Variants in ACACA observed in about 807,000 individuals in gnomAD.
ACACA encodes the protein acetyl-CoA carboxylase 1.
ACACA carries 103 observed loss-of-function variants against 296.1 expected under a neutral mutation model. The observed-to-expected ratio is 0.35, with a 90% CI of 0.30 to 0.41. The LOEUF is 0.41. ACACA is among the 10% of genes least tolerant of loss of function. The pLI is 1.00. For synonymous variants in ACACA, 953 were observed against 1,038.6 expected (o/e 0.92, Z 1.58); for missense variants, 1,554 against 2,989.7 (o/e 0.52, Z 11.20).
chr17:37,177,010 T>C (rs976040381), intron 41 of ACACA, among the ~76,000 whole-genome samples: 1 of 151,744 alleles, frequency 6.6e-6, no homozygotes, highest in Non-Finnish European at 1.5e-5. Flanking sequence ...ACAAAGAAAA[T>C]AGGCAACTAA....
intron 1 of ACACA, among the ~76,000 whole-genome samples, chr17:37,347,249 C>T (rs934881659): frequency 3.3e-5 from 5 of 152,186 alleles, no homozygotes; most frequent in African/African-American, 1.2e-4. Context: ...TAAAACATGA[C>T]GTGCTCCTCC....
chr17:37,358,741 T>C (rs1366799604), intron 1 of ACACA, among the ~76,000 whole-genome samples: 2 of 152,070 alleles, frequency 1.3e-5, no homozygotes, highest in African/African-American at 4.8e-5. Context: ...CCCTGAACTG[T>C]ACGCCTCCCA....
At chr17:37,215,147 T>C (rs1191891785) in intron 29 of ACACA, among the ~76,000 whole-genome samples, 2 of 152,058 alleles carry the variant, frequency 1.3e-5, no homozygotes, top group Admixed American at 6.5e-5. Flanking sequence ...AGGTAAGACT[T>C]GAGAAAAGGG....
intron 41 of ACACA, among the ~76,000 whole-genome samples, chr17:37,174,174 T>A (rs2077021092): frequency 6.7e-6 from 1 of 150,296 alleles, no homozygotes; most frequent in Non-Finnish European, 1.5e-5. Context: ...AGCTAGTCTT[T>A]AAACTTTAAT....
chr17:37,313,893 T>C (rs1201603535), intron 3 of ACACA, among the ~76,000 whole-genome samples: 2 of 147,968 alleles, frequency 1.4e-5, no homozygotes, highest in South Asian at 2.2e-4. Flanking sequence ...ATTGAAGAGA[T>C]ATCTACACTC....
In ACACA at chr17:37,128,761, C is replaced by G. The variant is rs548495773; in HGVS notation, c.5944+604G>C. Among the ~76,000 whole-genome samples, 3 of 152,308 alleles carry G rather than the reference C, an allele frequency of 2.0e-5. No individual in the cohort carries two copies. In the South Asian group the frequency reaches 6.2e-4, roughly 32 times the overall value. On this transcript the variant is annotated intron_variant, in intron 47 of 55. Transcript: ENST00000616317. ...TCTGGAGGGAGAGCTTATTCTCACT[C>G]CATGTATCTATATAATTAAAAGTTC...
chr17:37,255,560 T>C (rs2146165209), intron 14 of ACACA, among the ~76,000 whole-genome samples: 1 of 152,352 alleles, frequency 6.6e-6, no homozygotes, highest in South Asian at 2.1e-4. Context: ...GATTGGGTTA[T>C]AGGACATTCC....
At chr17:37,376,819 G>A (rs1005740878) in intron 1 of ACACA, among the ~76,000 whole-genome samples, 12 of 152,110 alleles carry the variant, frequency 7.9e-5, no homozygotes, top group African/African-American at 2.9e-4. Flanking sequence ...GCCAGGCATG[G>A]TGGCATGCAC....
chr17:37,172,900 C>T (rs184836399), intron 41 of ACACA, among the ~76,000 whole-genome samples: 6 of 152,164 alleles, frequency 3.9e-5, no homozygotes, highest in Non-Finnish European at 2.9e-5. Flanking sequence ...AGACCCGCTT[C>T]GCTTAGGTCT....
At chr17:37,385,974 C>T (rs1442022881) in intron 1 of ACACA, 2 of 1,382,814 alleles carry the variant, frequency 1.4e-6, no homozygotes, top group African/African-American at 1.4e-5. Context: ...TAAAGTTTTC[C>T]CCTAAAGTTT....
At position 37,259,282 on chromosome 17, in the gene ACACA, T is replaced by C. The variant is rs531569322; in HGVS notation, c.1500+78A>G. On this transcript the variant is annotated intron_variant, in intron 12 of 55. Coordinates refer to ENST00000616317, the MANE Select transcript of ACACA (RefSeq NM_198834.3). ...ACTCAGATAGGAGGTGCTTTTCTCT[T>C]ATCACACACTGGTTAAACCCATTTT... The C allele has an allele frequency of 9.2e-6, 14 of 1,524,702 alleles. No homozygotes were observed. In the East Asian group the frequency reaches 2.2e-4, roughly 24 times the overall value. 94.4% of individuals were successfully genotyped at this position (1,524,702 alleles called of 1,614,324 possible).
intron 4 of ACACA, among the ~76,000 whole-genome samples, chr17:37,284,594 T>C (rs1049821046): frequency 1.3e-5 from 2 of 152,184 alleles, no homozygotes; most frequent in Non-Finnish European, 2.9e-5. Context: ...AAAATAACTT[T>C]ATGAGCACTA....
intron 1 of ACACA, among the ~76,000 whole-genome samples, chr17:37,385,466 C>T (rs967228188): frequency 1.3e-5 from 2 of 151,776 alleles, no homozygotes; most frequent in African/African-American, 4.8e-5. Flanking sequence ...GAGGGGGACC[C>T]TGTCTTAAAA....
intron 29 of ACACA, 31 bp from the exon 30 acceptor site, chr17:37,210,521 A>G: frequency 6.2e-7 from 1 of 1,604,058 alleles, no homozygotes; most frequent in Non-Finnish European, 8.5e-7. Context: ...TTAGTTACTG[A>G]TAAGTTAGTG....
chr17:37,158,427 C>A (rs956455635), intron 42 of ACACA, among the ~76,000 whole-genome samples: 1 of 151,956 alleles, frequency 6.6e-6, no homozygotes, highest in Non-Finnish European at 1.5e-5. Context: ...CTCAGGAATT[C>A]GAGACCAGCC....
chr17:37,376,804 A>G (rs2050022998), intron 1 of ACACA, among the ~76,000 whole-genome samples: 1 of 151,952 alleles, frequency 6.6e-6, no homozygotes, highest in African/African-American at 2.4e-5. Flanking sequence ...AAAGTGCAAA[A>G]ATTAGCCAGG....
intron 1 of ACACA, chr17:37,365,512 A>G (rs887920188): frequency 2.0e-6 from 2 of 985,502 alleles, no homozygotes; most frequent in African/African-American, 1.7e-5. Flanking sequence ...CAAAGCCTCC[A>G]GTGGGATATA....
At chr17:37,290,319 G>A (rs1253925777) in intron 3 of ACACA, among the ~76,000 whole-genome samples, 1 of 152,164 alleles carries the variant, frequency 6.6e-6, no homozygotes. Flanking sequence ...AAAATGCTGG[G>A]ATTACAAGTG....
chr17:37,183,880 T>C (rs2077424685), intron 39 of ACACA, among the ~76,000 whole-genome samples: 1 of 144,070 alleles, frequency 6.9e-6, no homozygotes, highest in African/African-American at 2.7e-5. Flanking sequence ...GAGACGGAGT[T>C]TCACTCTTGT....
Sources: gnomAD v4.1 joint callset for allele counts (sites outside exome capture counted in the v4.1 genomes callset) on GRCh38, gnomAD v4.1.1 for gene constraint, MANE v1.5 for transcripts, NCBI Gene and HGNC (gene_info 2026-07-23, HGNC 2026-07-21) for gene names.